Variants in UBE2U observed in about 807,000 individuals in gnomAD.
The protein encoded by UBE2U is ubiquitin conjugating enzyme E2 U.
UBE2U carries 39 observed loss-of-function variants against 41.2 expected under a neutral mutation model. That is an observed-to-expected ratio of 0.95 (90% confidence interval 0.73 to 1.24). The LOEUF is 1.24. Among genes scored for constraint, UBE2U ranks in the 50% most tolerant of loss-of-function variants. The pLI, the probability that UBE2U is intolerant of heterozygous loss-of-function variation, is 0.00. For synonymous variants in UBE2U, 107 were observed against 117.8 expected, an observed-to-expected ratio of 0.91 and a Z score of 0.60; for missense variants, 336 against 363.1, an observed-to-expected ratio of 0.93 and a Z score of 0.61.
intron 7 of UBE2U, among the ~76,000 whole-genome samples, chr1:64,239,084 G>GAAGAAGAAGAAGAAGAAGAAGA (rs1557729519): frequency 1.7e-5 from 1 of 58,810 alleles, no homozygotes; most frequent in Non-Finnish European, 3.3e-5. Flanking sequence ...GGAAGAGGAA[G>GAAGAAGAAGAAGAAGAAGAAGA]AGGAAGAGGA....
intron 8 of UBE2U, among the ~76,000 whole-genome samples, chr1:64,243,306 G>A (rs1644866521): frequency 6.6e-6 from 1 of 152,090 alleles, no homozygotes; most frequent in Admixed American, 6.6e-5. Flanking sequence ...GCATTTTATT[G>A]TGGCATAAAT....
intron 8 of UBE2U, among the ~76,000 whole-genome samples, chr1:64,258,242 T>C (rs1645125922): frequency 6.6e-6 from 1 of 152,192 alleles, no homozygotes; most frequent in Non-Finnish European, 1.5e-5. Context: ...TGGCACAAGG[T>C]TGGTGTTCAA....
At chr1:64,260,076 A>C (rs1202418046) in intron 8 of UBE2U, among the ~76,000 whole-genome samples, 1 of 152,026 alleles carries the variant, frequency 6.6e-6, no homozygotes, top group African/African-American at 2.4e-5. Flanking sequence ...TTGGAAGCAG[A>C]GACTGGAGTG....
At chr1:64,242,125 CCAAA>C (rs1644845451) in intron 8 of UBE2U, among the ~76,000 whole-genome samples, 2 of 152,114 alleles carry the variant, frequency 1.3e-5, no homozygotes, top group Admixed American at 1.3e-4. Context: ...TTTTGTAGCT[CCAAA>C]CATTGTTTCT....
At chr1:64,235,985 G>A (rs958167704) in intron 7 of UBE2U, among the ~76,000 whole-genome samples, 3 of 152,058 alleles carry the variant, frequency 2.0e-5, no homozygotes, top group Admixed American at 1.3e-4. Context: ...TTTACCTAAG[G>A]TTACACATGT....
At chr1:64,254,439 A>C (rs1180453468) in intron 8 of UBE2U, among the ~76,000 whole-genome samples, 5 of 152,300 alleles carry the variant, frequency 3.3e-5, no homozygotes, top group African/African-American at 7.2e-5. Flanking sequence ...CTCTCCACCC[A>C]AAAACAACAA....
At chr1:64,206,280 G>A (rs1005102070) in intron 2 of UBE2U, among the ~76,000 whole-genome samples, 3 of 152,010 alleles carry the variant, frequency 2.0e-5, no homozygotes, top group Non-Finnish European at 2.9e-5. Flanking sequence ...CATTATTATG[G>A]ATTTTGAACA....
intron 7 of UBE2U, among the ~76,000 whole-genome samples, chr1:64,233,742 G>T (rs1479641854): frequency 2.6e-5 from 4 of 152,288 alleles, no homozygotes; most frequent in Non-Finnish European, 4.4e-5. Context: ...CATTTAACTG[G>T]ATCTTTAGAG....
At chr1:64,244,079 G>C (rs371589943) in intron 8 of UBE2U, 2 of 1,308,242 alleles carry the variant, frequency 1.5e-6, no homozygotes, top group East Asian at 4.6e-5. Context: ...CATAAAGTTC[G>C]CTATTATTCA....
intron 5 of UBE2U, among the ~76,000 whole-genome samples, chr1:64,216,686 G>A (rs1467718958): frequency 6.6e-6 from 1 of 152,232 alleles, no homozygotes; most frequent in Non-Finnish European, 1.5e-5. Context: ...CTAAGTCTAA[G>A]CCTGGTATGT....
chr1:64,238,744 T>C (rs1644717708), intron 7 of UBE2U, among the ~76,000 whole-genome samples: 1 of 152,024 alleles, frequency 6.6e-6, no homozygotes, highest in Non-Finnish European at 1.5e-5. Context: ...TCATCATTAT[T>C]AAGAAGAAAG....
intron 7 of UBE2U, among the ~76,000 whole-genome samples, chr1:64,239,147 G>GAAA (rs1221111528): frequency 3.7e-5 from 1 of 27,012 alleles, no homozygotes; most frequent in African/African-American, 1.6e-4. Context: ...AGAAGAAGAA[G>GAAA]AAGAAGAAGA....
At chr1:64,223,585 T>C (rs1032213340) in intron 6 of UBE2U, among the ~76,000 whole-genome samples, 1 of 152,164 alleles carries the variant, frequency 6.6e-6, no homozygotes, top group Non-Finnish European at 1.5e-5. Context: ...TAAGTGGAAC[T>C]GCCTCTTTTA....
chr1:64,252,137 CTG>C (rs1645021174), intron 8 of UBE2U, among the ~76,000 whole-genome samples: 1 of 152,170 alleles, frequency 6.6e-6, no homozygotes, highest in Non-Finnish European at 1.5e-5. Context: ...CTTTGCCAGA[CTG>C]TGCCCAGACT....
chr1:64,220,846 T>A lies in UBE2U; in HGVS notation c.458-13T>A. Reference sequence around the variant, plus strand: ...CAAGTAAACCAGAATCCTTTCATATTTTTTCTTTATAGTGAAAGATGACAG... The same window carrying A: ...CAAGTAAACCAGAATCCTTTCATATATTTTCTTTATAGTGAAAGATGACAG... On this transcript the variant is annotated splice_polypyrimidine_tract_variant and intron_variant, in intron 5 of 9. Transcript: ENST00000371077. 3 of 1,601,128 alleles carry A rather than the reference T, an allele frequency of 1.9e-6. No individual in the cohort carries two copies. The highest frequency in any genetic ancestry group is 1.7e-6 in the Non-Finnish European group (2 of 1,173,570).
chr1:64,227,712 G>A (rs1300946526), intron 6 of UBE2U, among the ~76,000 whole-genome samples: 5 of 152,036 alleles, frequency 3.3e-5, no homozygotes, highest in Non-Finnish European at 5.9e-5. Context: ...TGAGGCAGGA[G>A]AATCACTTGA....
intron 8 of UBE2U, among the ~76,000 whole-genome samples, chr1:64,245,464 A>G (rs892057599): frequency 6.6e-6 from 1 of 152,216 alleles, no homozygotes; most frequent in African/African-American, 2.4e-5. Flanking sequence ...GGCAGCTAGC[A>G]AGTTGTCTAA....
intron 7 of UBE2U, among the ~76,000 whole-genome samples, chr1:64,239,080 GGAAGAGGAAGAGGAAGAAGAA>G (rs1228305353): frequency 2.2e-4 from 12 of 54,810 alleles, no homozygotes; most frequent in Non-Finnish European, 3.6e-4. Flanking sequence ...AAGAGGAAGA[GGAAGAGGAAGAGGAAGAAGAA>G]GAAGAAGAAG....
At position 64,241,636 on chromosome 1, in the gene UBE2U, A is replaced by G; in HGVS notation, c.596-16A>G. Reference sequence around the variant, plus strand: ...GAATGTATGTATAGCTTCTTTTTTTAATATTCTAATTTCAGTGCTCAAAGT... The same window carrying G: ...GAATGTATGTATAGCTTCTTTTTTTGATATTCTAATTTCAGTGCTCAAAGT... On this transcript the variant is annotated splice_polypyrimidine_tract_variant and intron_variant, in intron 7 of 9. Coordinates refer to ENST00000371077, the MANE Select transcript of UBE2U (RefSeq NM_001366232.2). 1 of 1,567,906 alleles carries G rather than the reference A, an allele frequency of 6.4e-7. No individual in the cohort carries two copies. Among genetic ancestry groups the G allele is most frequent in the African/African-American group, 1.4e-5 (1 of 72,940 alleles).
Sources: gnomAD v4.1 joint callset for allele counts (sites outside exome capture counted in the v4.1 genomes callset) on GRCh38, gnomAD v4.1.1 for gene constraint, MANE v1.5 for transcripts, NCBI Gene and HGNC (gene_info 2026-07-23, HGNC 2026-07-21) for gene names.